The following CCDC90B variants were observed in gnomAD, a reference collection of about 807,000 sequenced individuals.
The protein encoded by CCDC90B is coiled-coil domain containing 90B.
In CCDC90B, 24 loss-of-function variants were observed where a neutral mutation model predicts 37.0. That is an observed-to-expected ratio of 0.65 (90% CI 0.47 to 0.91). The LOEUF (loss-of-function observed/expected upper bound fraction) is 0.91. Ranked by LOEUF, CCDC90B falls within the 40% of genes least tolerant of loss-of-function variation. The pLI is 0.00. For missense variants in CCDC90B, 319 were observed against 299.0 expected (o/e 1.07, Z -0.49); for synonymous variants, 113 against 101.1 (o/e 1.12, Z -0.71).
rs544615000 is a variant in CCDC90B at position 83,275,546 on chromosome 11, T to G, written c.325-806A>C. Among the ~76,000 whole-genome samples, 9 of 151,616 alleles carry G rather than the reference T, an allele frequency of 5.9e-5. 1 individual carries two copies. The highest frequency in any genetic ancestry group is 5.9e-4 in the Admixed American group (9 of 15,230). On this transcript the variant is annotated intron_variant, in intron 3 of 8. Coordinates refer to ENST00000529689, the MANE Select transcript of CCDC90B (RefSeq NM_021825.5). Reference sequence around the variant, plus strand: ...AAAAAAAAAAAAAAAATTTGAAATCTGAAACAATTCTGGTCCCAAGCATTT... The same window carrying G: ...AAAAAAAAAAAAAAAATTTGAAATCGGAAACAATTCTGGTCCCAAGCATTT...
At chr11:83,285,805 G>T in intron 1 of CCDC90B, 68 bp downstream of exon 1, 2 of 1,534,962 alleles carry the variant, frequency 1.3e-6, no homozygotes, top group Non-Finnish European at 1.7e-6. Flanking sequence ...GCTCGAGCAG[G>T]CGCGACCCCA....
rs944903068 is a variant in CCDC90B at position 83,259,659 on chromosome 11, G to A, written c.*2252C>T. 3.3e-5 allele frequency: 5 copies of A among 151,462 alleles called. No individual in the cohort carries two copies. The highest frequency in any genetic ancestry group is 1.2e-4 in the African/African-American group (5 of 41,190). The allele number at this position is 151,462 out of a possible 1,614,324, so 9.4% of individuals were successfully genotyped here. The stretch of plus-strand genomic sequence containing the variant: ...ATTTGCTGATAAAACTATTGGAGAA[G>A]TTTTTTTTTAGGAGACAGGGTCTCA... On this transcript the variant is annotated 3_prime_UTR_variant, in exon 9 of 9. Coordinates refer to ENST00000529689, the MANE Select transcript of CCDC90B (RefSeq NM_021825.5).
intron 8 of CCDC90B, among the ~76,000 whole-genome samples, chr11:83,264,234 A>G (rs1864107969): frequency 6.6e-6 from 1 of 152,200 alleles, no homozygotes; most frequent in Non-Finnish European, 1.5e-5. Context: ...GCATTTTCAT[A>G]TAGGGAATAC....
At chr11:83,274,588 CTTA>C (rs1192350535) in intron 4 of CCDC90B, 48 bp downstream of exon 4, 2 of 1,072,202 alleles carry the variant, frequency 1.9e-6, no homozygotes, top group Admixed American at 2.1e-5. Flanking sequence ...AAGTAGGATG[CTTA>C]TTATGAGATC....
Position 83,261,640 on chromosome 11 carries a change from A to G in CCDC90B, c.*271T>C. 3.9e-6 allele frequency: 1 copy of G among 253,838 alleles called. No individual in the cohort carries two copies. The allele number at this position is 253,838 out of a possible 1,614,324, so 15.7% of individuals were successfully genotyped here. Reference sequence around the variant, plus strand: ...ATAAGAAAACTCTGGTTCAATTTCTATTAACTATCAAAAGGACAAAATGCT... The same window carrying G: ...ATAAGAAAACTCTGGTTCAATTTCTGTTAACTATCAAAAGGACAAAATGCT... On this transcript the variant is annotated 3_prime_UTR_variant, in exon 9 of 9. Coordinates refer to ENST00000529689, the MANE Select transcript of CCDC90B (RefSeq NM_021825.5).
rs1010306633 is a variant in CCDC90B at position 83,261,467 on chromosome 11, A to G, written c.*444T>C. The G allele has an allele frequency of 6.6e-5, 10 of 152,456 alleles. No homozygotes were observed. Among genetic ancestry groups the G allele is most frequent in the African/African-American group, 2.2e-4 (9 of 41,444 alleles). The allele number at this position is 152,456 out of a possible 1,614,324, so 9.4% of individuals were successfully genotyped here. A position where few individuals can be genotyped will look rare whatever the true frequency, so the allele number is the denominator to read the frequency against. ...AAAACCCACACAACTTTGTTGTAAT[A>G]ATCTTTCATTTTATAGAAAAATGTA... On this transcript the variant is annotated 3_prime_UTR_variant, in exon 9 of 9. Transcript: ENST00000529689.
chr11:83,285,048 T>C (rs746292298), intron 1 of CCDC90B: 2 of 940,474 alleles, frequency 2.1e-6, no homozygotes, highest in Non-Finnish European at 2.7e-6. Context: ...AATGAAACAA[T>C]GAGCAAAATA....
chr11:83,267,701 G>T (rs573563081), intron 7 of CCDC90B, among the ~76,000 whole-genome samples: 11 of 152,318 alleles, frequency 7.2e-5, no homozygotes, highest in Non-Finnish European at 1.2e-4. Flanking sequence ...TATTATCCAG[G>T]AGAACTTCCC....
At chr11:83,285,510 T>G in intron 1 of CCDC90B, 1 of 1,132,614 alleles carries the variant, frequency 8.8e-7, no homozygotes, top group East Asian at 7.0e-5. Context: ...CAAAATTTGA[T>G]CAGGCCACAA....
intron 1 of CCDC90B, 54 bp from the exon 2 acceptor site, chr11:83,280,314 ACT>A: frequency 6.7e-7 from 1 of 1,497,960 alleles, no homozygotes; most frequent in Non-Finnish European, 9.2e-7. Context: ...TTACAAAGCT[ACT>A]TTAGCTTACA....
At chr11:83,272,732 T>C (rs1864756924) in intron 7 of CCDC90B, among the ~76,000 whole-genome samples, 1 of 152,234 alleles carries the variant, frequency 6.6e-6, no homozygotes, top group Non-Finnish European at 1.5e-5. Context: ...AAATGTGACC[T>C]TCTCTTCTAT....
chr11:83,266,271 C>T (rs750896948), intron 7 of CCDC90B, among the ~76,000 whole-genome samples: 9 of 152,182 alleles, frequency 5.9e-5, no homozygotes, highest in African/African-American at 9.7e-5. Flanking sequence ...GTGGGTGCAG[C>T]GCACGGAGGG....
At chr11:83,274,492 TAAAC>T (rs1405277990) in intron 4 of CCDC90B, 143 bp downstream of exon 4, 1 of 511,068 alleles carries the variant, frequency 2.0e-6, no homozygotes, top group Non-Finnish European at 3.5e-6. Flanking sequence ...TAGGTATGGT[TAAAC>T]AAATAGTATG....
At chr11:83,278,850 T>C (rs781735874) in intron 2 of CCDC90B, 21 bp from the exon 3 acceptor site, 58 of 1,451,892 alleles carry the variant, frequency 4.0e-5, no homozygotes, top group Non-Finnish European at 2.9e-6. Flanking sequence ...CAAATAGGTA[T>C]TTTATTTTTT....
intron 2 of CCDC90B, among the ~76,000 whole-genome samples, chr11:83,279,816 CTTT>C (rs56805343): frequency 0.045 from 6,836 of 150,774 alleles, 192 homozygotes; most frequent in South Asian, 0.15. Flanking sequence ...ATTTTTTGTG[CTTT>C]TTTTTTATTT....
At chr11:83,283,966 AAAAAAT>A (rs1030013703) in intron 1 of CCDC90B, among the ~76,000 whole-genome samples, 5 of 152,316 alleles carry the variant, frequency 3.3e-5, no homozygotes, top group Non-Finnish European at 7.3e-5. Flanking sequence ...TCAAAAAAAT[AAAAAAT>A]AAAAATAAGT....
intron 2 of CCDC90B, among the ~76,000 whole-genome samples, chr11:83,279,280 C>CAAAAAAAACAA (rs566829205): frequency 1.1e-4 from 16 of 143,656 alleles, no homozygotes; most frequent in African/African-American, 2.3e-4. Context: ...GACTCTGTCT[C>CAAAAAAAACAA]AAAAAAAACA....
At chr11:83,266,790 G>C (rs931958874) in intron 7 of CCDC90B, 2 of 152,328 alleles carry the variant, frequency 1.3e-5, no homozygotes, top group African/African-American at 2.4e-5. Flanking sequence ...AGAACGGAGA[G>C]ACTGCTTCTT....
chr11:83,265,835 G>A (rs758193979), intron 8 of CCDC90B, 30 bp downstream of exon 8: 1 of 1,377,602 alleles, frequency 7.3e-7, no homozygotes, highest in South Asian at 1.2e-5. Flanking sequence ...AAAATTAGAT[G>A]ACAGCAATTT....
Sources: gnomAD v4.1 joint callset for allele counts (sites outside exome capture counted in the v4.1 genomes callset) on GRCh38, gnomAD v4.1.1 for gene constraint, MANE v1.5 for transcripts, NCBI Gene and HGNC (gene_info 2026-07-23, HGNC 2026-07-21) for gene names.